Variants in GLI2 observed in about 807,000 individuals in gnomAD.
GLI2 encodes GLI family zinc finger 2, also known as transcription activator GLI2.
Under a neutral mutation model 78.9 loss-of-function variants are expected in GLI2, and 22 were observed. The ratio of observed to expected loss-of-function variants is 0.28; its 90% CI spans 0.20 to 0.40. The LOEUF is 0.40. Ranked by LOEUF, GLI2 falls within the 10% of genes least tolerant of loss-of-function variation. GLI2 has a pLI of 1.00. For missense variants in GLI2, 2,097 were observed against 2,213.2 expected, an observed-to-expected ratio of 0.95 and a Z score of 1.05; for synonymous variants, 974 against 963.7, an observed-to-expected ratio of 1.01 and a Z score of -0.20.
chr2:120,755,169 A>G (rs1318848699), intron 1 of GLI2, among the ~76,000 whole-genome samples: 1 of 152,236 alleles, frequency 6.6e-6, no homozygotes, highest in Non-Finnish European at 1.5e-5. Context: ...TTTTTAAGTA[A>G]CCACAAAACT....
At chr2:120,928,411 C>T (rs1220575625) in intron 3 of GLI2, among the ~76,000 whole-genome samples, 1 of 152,226 alleles carries the variant, frequency 6.6e-6, no homozygotes, top group South Asian at 2.1e-4. Flanking sequence ...TGTGATCCTT[C>T]ACACTGAGCG....
At chr2:120,974,778 G>C (rs1682365301) in intron 8 of GLI2, 197 bp from the exon 9 acceptor site, 2 of 698,958 alleles carry the variant, frequency 2.9e-6, no homozygotes, top group Admixed American at 2.3e-5. Context: ...AAAGGCTGAT[G>C]AGTGTGTGTG....
Position 120,968,921 on chromosome 2 carries a change from C to T in GLI2, c.845+6C>T, listed in dbSNP as rs1057523120. 1 of 1,605,826 alleles carries T rather than the reference C, an allele frequency of 6.2e-7. No individual in the cohort carries two copies. The highest frequency in any genetic ancestry group is 8.5e-7 in the Non-Finnish European group (1 of 1,176,382). ...CTGTCAGCGGGTGCCCTCAGGTGAG[C>T]CCCGCCTGCAAGCAGAGAGCTGAGG... On this transcript the variant is annotated splice_donor_region_variant and intron_variant, in intron 6 of 13. Coordinates refer to ENST00000361492, the MANE Select transcript of GLI2 (RefSeq NM_001374353.1).
intron 2 of GLI2, among the ~76,000 whole-genome samples, chr2:120,881,809 GAGA>G: frequency 5.8e-5 from 2 of 34,492 alleles, no homozygotes; most frequent in African/African-American, 1.3e-4. Context: ...GACAGTGGGG[GAGA>G]ACAGTCGTGG....
intron 2 of GLI2, among the ~76,000 whole-genome samples, chr2:120,799,665 A>G (rs187321086): frequency 2.0e-5 from 3 of 152,292 alleles, no homozygotes; most frequent in African/African-American, 7.2e-5. Flanking sequence ...ATCTGTGTCG[A>G]GAGTGGATTT....
At chr2:120,894,073 A>T (rs372262191) in intron 2 of GLI2, among the ~76,000 whole-genome samples, 1 of 152,244 alleles carries the variant, frequency 6.6e-6, no homozygotes, top group East Asian at 1.9e-4. Context: ...CGAGAGGCCT[A>T]TTGTGGGGAC....
At chr2:120,810,852 G>A (rs1218266532) in intron 2 of GLI2, among the ~76,000 whole-genome samples, 5 of 152,204 alleles carry the variant, frequency 3.3e-5, no homozygotes, top group South Asian at 2.1e-4. Context: ...CTTTCTGTCC[G>A]TGATCTCGAT....
chr2:120,870,545 C>T (rs191030477), intron 2 of GLI2, among the ~76,000 whole-genome samples: 38 of 152,226 alleles, frequency 2.5e-4, no homozygotes, highest in Admixed American at 4.6e-4. Context: ...ATGGCCTCAG[C>T]GGAGGTGTGA....
At chr2:120,846,391 TG>T (rs1687117668) in intron 2 of GLI2, among the ~76,000 whole-genome samples, 1 of 152,234 alleles carries the variant, frequency 6.6e-6, no homozygotes. Context: ...TGGCTGGGCC[TG>T]GGAGGTGCCC....
At chr2:120,816,782 T>C (rs1012409991) in intron 2 of GLI2, among the ~76,000 whole-genome samples, 7 of 152,186 alleles carry the variant, frequency 4.6e-5, no homozygotes, top group African/African-American at 1.7e-4. Context: ...GGTTAAAATA[T>C]ATGAAGGAAA....
Position 120,874,181 on chromosome 2 carries a change from C to G in GLI2, c.149-53180C>G, listed in dbSNP as rs548902331. Reference sequence around the variant, plus strand: ...AACCACCCCTCCCAGCCAACAGAGCCCGGTCTGTGCGGGCTCCGTGGGTCT... The same window carrying G: ...AACCACCCCTCCCAGCCAACAGAGCGCGGTCTGTGCGGGCTCCGTGGGTCT... On this transcript the variant is annotated intron_variant, in intron 2 of 13. Coordinates refer to ENST00000361492, the MANE Select transcript of GLI2 (RefSeq NM_001374353.1). 2.0e-5 allele frequency among the ~76,000 whole-genome samples: 3 copies of G among 152,282 alleles called. No individual in the cohort carries two copies. In the South Asian group the frequency reaches 6.2e-4, roughly 32 times the overall value.
intron 2 of GLI2, among the ~76,000 whole-genome samples, chr2:120,813,494 A>G (rs2104732024): frequency 6.6e-6 from 1 of 152,284 alleles, no homozygotes; most frequent in South Asian, 2.1e-4. Flanking sequence ...GGGAGAGCCA[A>G]GCTCCAGGTG....
intron 2 of GLI2, among the ~76,000 whole-genome samples, chr2:120,830,725 G>C (rs1686318064): frequency 6.6e-6 from 1 of 152,138 alleles, no homozygotes; most frequent in Non-Finnish European, 1.5e-5. Context: ...CTCATGGCTG[G>C]ACCTGTGAGA....
intron 2 of GLI2, among the ~76,000 whole-genome samples, chr2:120,924,592 G>A (rs1486019582): frequency 6.6e-6 from 1 of 151,834 alleles, no homozygotes; most frequent in Non-Finnish European, 1.5e-5. Flanking sequence ...TATTTTGTTG[G>A]CAAAATACTG....
chr2:120,743,574 A>G (rs1682613962), intron 1 of GLI2, among the ~76,000 whole-genome samples: 1 of 152,212 alleles, frequency 6.6e-6, no homozygotes, highest in African/African-American at 2.4e-5. Context: ...TCTTATATAT[A>G]CCATCCTTCC....
At chr2:120,779,675 C>T (rs1683780782) in intron 1 of GLI2, among the ~76,000 whole-genome samples, 1 of 152,250 alleles carries the variant, frequency 6.6e-6, no homozygotes, top group Non-Finnish European at 1.5e-5. Context: ...TGTCCATTAT[C>T]TATTCACAGG....
At chr2:120,882,366 G>A (rs959146031) in intron 2 of GLI2, among the ~76,000 whole-genome samples, 4 of 152,202 alleles carry the variant, frequency 2.6e-5, no homozygotes, top group African/African-American at 7.2e-5. Flanking sequence ...GAGGGCGCCC[G>A]CTGCAGGCGT....
intron 1 of GLI2, among the ~76,000 whole-genome samples, chr2:120,767,114 G>A (rs909855352): frequency 2.6e-5 from 4 of 152,182 alleles, no homozygotes; most frequent in African/African-American, 4.8e-5. Context: ...GGCTCTAACC[G>A]ACCTCTACGT....
At chr2:120,810,298 GC>G (rs1685176378) in intron 2 of GLI2, among the ~76,000 whole-genome samples, 1 of 152,226 alleles carries the variant, frequency 6.6e-6, no homozygotes, top group South Asian at 2.1e-4. Context: ...GGTGTGCTGG[GC>G]CGTCTTCTGT....
Sources: allele counts gnomAD v4.1 joint callset (sites outside exome capture counted in the v4.1 genomes callset), GRCh38; gene constraint gnomAD v4.1.1; transcripts MANE v1.5; gene names NCBI Gene and HGNC (gene_info 2026-07-23, HGNC 2026-07-21).